The following ACTG2 variants were observed in gnomAD, a reference collection of about 807,000 sequenced individuals.
ACTG2 encodes actin, gamma-enteric smooth muscle.
ACTG2 carries 16 observed loss-of-function variants against 37.6 expected under a neutral mutation model. That is an observed-to-expected ratio of 0.43 (90% confidence interval 0.29 to 0.65). ACTG2 has a LOEUF of 0.65. Ranked by LOEUF, ACTG2 falls within the 30% of genes least tolerant of loss-of-function variation. The pLI is 0.18. For synonymous variants in ACTG2, 181 were observed against 179.9 expected (o/e 1.01, Z -0.05); for missense variants, 238 against 490.9 (o/e 0.48, Z 4.87).
intron 2 of ACTG2, among the ~76,000 whole-genome samples, chr2:73,902,045 G>GTC (rs1558622706): frequency 6.8e-6 from 1 of 147,098 alleles, no homozygotes; most frequent in African/African-American, 2.7e-5. Context: ...GTGTGTCTGT[G>GTC]TGTGTGTGTG....
intron 3 of ACTG2, chr2:73,908,453 G>A (rs1296895897): frequency 2.4e-5 from 15 of 632,180 alleles, no homozygotes. Flanking sequence ...TGAACACATA[G>A]AAAATACTGG....
At chr2:73,899,359 T>C (rs2104803675) in intron 1 of ACTG2, among the ~76,000 whole-genome samples, 1 of 152,152 alleles carries the variant, frequency 6.6e-6, no homozygotes, top group South Asian at 2.1e-4. Context: ...CTACTTGGGA[T>C]GCTGAGGTGG....
intron 1 of ACTG2, among the ~76,000 whole-genome samples, chr2:73,899,710 C>T (rs1016019947): frequency 3.3e-5 from 5 of 152,030 alleles, no homozygotes; most frequent in African/African-American, 7.3e-5. Context: ...CTGAGGCAGC[C>T]GCAAATATAC....
intron 1 of ACTG2, among the ~76,000 whole-genome samples, chr2:73,893,769 T>C (rs1679681206): frequency 6.6e-6 from 1 of 152,158 alleles, no homozygotes; most frequent in Non-Finnish European, 1.5e-5. Flanking sequence ...CACACCCAAC[T>C]GTGACCCATT....
At position 73,902,462 on chromosome 2, in the gene ACTG2, A is replaced by G. The variant is rs1218102703; in HGVS notation, c.229A>G (p.Ile77Val). The G allele has an allele frequency of 6.2e-7, 1 of 1,614,004 alleles. No individual in the cohort carries two copies. The highest frequency in any genetic ancestry group is 2.2e-5 in the East Asian group (1 of 44,892). Reference sequence around the variant, plus strand: ...CAAATACCCCATTGAACACGGCATCATCACCAACTGGGATGACATGGAGAA... The same window carrying G: ...CAAATACCCCATTGAACACGGCATCGTCACCAACTGGGATGACATGGAGAA... ...TLKYPIEHGIITNWDDMEKIW... is the reference protein window; with the variant it reads ...TLKYPIEHGIVTNWDDMEKIW... Residue 77 changes from isoleucine to valine, a missense_variant, in exon 3 of 9, where the codon ATC becomes GTC. Ile to Val is a conservative substitution (Grantham distance 29). Transcript: ENST00000345517.
At chr2:73,900,252 C>T (rs1237762294) in intron 1 of ACTG2, among the ~76,000 whole-genome samples, 1 of 152,240 alleles carries the variant, frequency 6.6e-6, no homozygotes, top group Non-Finnish European at 1.5e-5. Flanking sequence ...CCCACTTCTG[C>T]CCCGCCCCAC....
Position 73,915,462 on chromosome 2 carries a change from G to A in ACTG2, c.805+591G>A, listed in dbSNP as rs565047450. Among the ~76,000 whole-genome samples the A allele has an allele frequency of 4.0e-5, 6 of 150,568 alleles. No homozygotes were observed. The Admixed American group carries it at 4.0e-4, about 10-fold the overall frequency. ...TTGAGCCGCAGAGATCAAGGCTGCA[G>A]TGAGCCGTGATTGTGTCACTGCACT... On this transcript the variant is annotated intron_variant, in intron 7 of 8. Transcript: ENST00000345517.
intron 7 of ACTG2, 101 bp from the exon 8 acceptor site, chr2:73,916,483 C>T: frequency 9.6e-7 from 1 of 1,039,274 alleles, no homozygotes; most frequent in Non-Finnish European, 1.4e-6. Flanking sequence ...AGGTTCTGAA[C>T]TAGGGTAGTT....
rs746012984 is a variant in ACTG2, at chr2:73,901,416, T to C, written c.105T>C (p.Ile35=). ...CCCCCCGGGCTGTCTTCCCCTCCAT[T>C]GTGGGCCGCCCTCGCCACCAGGTGC... ...DDAPRAVFPS[I]VGRPRHQGVM... is the part of the protein sequence containing the mutation. Residue 35 remains isoleucine, a synonymous_variant, in exon 2 of 9, where the codon ATT becomes ATC. Coordinates refer to ENST00000345517, the MANE Select transcript of ACTG2 (RefSeq NM_001615.4). 5 of 1,614,030 alleles carry C rather than the reference T, an allele frequency of 3.1e-6. No homozygotes were observed. The highest frequency in any genetic ancestry group is 4.2e-6 in the Non-Finnish European group (5 of 1,180,026).
chr2:73,916,768 G>T lies in ACTG2; in HGVS notation c.987+3G>T. 6 of 1,612,878 alleles carry T rather than the reference G, an allele frequency of 3.7e-6. No individual in the cohort carries two copies. The highest frequency in any genetic ancestry group is 4.2e-6 in the Non-Finnish European group (5 of 1,179,432). ...CCCCCAGCACCATGAAGATCAAGGT[G>T]GGTCTTGCCTCAGTTGTCTCCATCC... On this transcript the variant is annotated splice_donor_region_variant and intron_variant, in intron 8 of 8. Transcript: ENST00000345517.
At chr2:73,900,688 T>C (rs1028397750) in intron 1 of ACTG2, among the ~76,000 whole-genome samples, 3 of 152,222 alleles carry the variant, frequency 2.0e-5, no homozygotes, top group African/African-American at 7.2e-5. Flanking sequence ...TGCTATTGAT[T>C]TTTAATTATA....
chr2:73,903,947 AAAAAAAAAAAAAC>A (rs1436208774), intron 3 of ACTG2, among the ~76,000 whole-genome samples: 5 of 96,308 alleles, frequency 5.2e-5, no homozygotes, highest in Admixed American at 4.9e-4. Context: ...CTCAAAAAAA[AAAAAAAAAAAAAC>A]AAAAAAAAAA....
At chr2:73,908,246 G>T in intron 3 of ACTG2, 1 of 470,294 alleles carries the variant, frequency 2.1e-6, no homozygotes. Context: ...CCACGCCATT[G>T]TCAGGAGATA....
intron 3 of ACTG2, among the ~76,000 whole-genome samples, chr2:73,907,748 T>C (rs916931006): frequency 6.6e-6 from 1 of 152,240 alleles, no homozygotes; most frequent in Admixed American, 6.5e-5. Context: ...CATTTGGCAA[T>C]GTCTGCAGAC....
Position 73,908,392 on chromosome 2 carries a change from AG to A in ACTG2, c.256-277del, listed in dbSNP as rs547955329. 314 of 539,738 alleles carry A rather than the reference AG, an allele frequency of 5.8e-4. 6 individuals carry two copies. In the East Asian group the frequency reaches 0.014, roughly 25 times the overall value. The allele number at this position is 539,738 out of a possible 1,614,324, so 33.4% of individuals were successfully genotyped here. ...CTTGCATCACTCAGTGCACAAAGGC[AG>A]GGGAGAGACTGTAGGAGAGTGAAGA... On this transcript the variant is annotated intron_variant, in intron 3 of 8. Coordinates refer to ENST00000345517, the MANE Select transcript of ACTG2 (RefSeq NM_001615.4).
At chr2:73,901,988 A>C (rs971290649) in intron 2 of ACTG2, among the ~76,000 whole-genome samples, 1 of 150,462 alleles carries the variant, frequency 6.6e-6, no homozygotes, top group Admixed American at 6.6e-5. Context: ...CTAAGCAGGC[A>C]CAGGGGACTT....
intron 1 of ACTG2, among the ~76,000 whole-genome samples, chr2:73,897,557 A>G (rs1187152076): frequency 9.8e-5 from 15 of 152,340 alleles, no homozygotes. Context: ...GGACTCGGGT[A>G]TCCCAGAGGC....
rs1680339299 is a variant in ACTG2, at chr2:73,919,692, C to T, written c.*117C>T. On this transcript the variant is annotated 3_prime_UTR_variant, in exon 9 of 9. Transcript: ENST00000345517. The stretch of plus-strand genomic sequence containing the variant: ...GGCTCTTTTTTCCTGGGCTATGTCT[C>T]ATACACAGTGCTAAGGACTTTTCAC... 8.4e-7 allele frequency: 1 copy of T among 1,184,154 alleles called. No individual in the cohort carries two copies. Among genetic ancestry groups the T allele is most frequent in the Non-Finnish European group, 1.2e-6 (1 of 850,726 alleles). The allele number at this position is 1,184,154 out of a possible 1,614,324, so 73.4% of individuals were successfully genotyped here. A position where few individuals can be genotyped will look rare whatever the true frequency, so the allele number is the denominator to read the frequency against.
At chr2:73,903,325 A>G (rs1448812190) in intron 3 of ACTG2, 2 of 153,402 alleles carry the variant, frequency 1.3e-5, no homozygotes, top group Non-Finnish European at 2.9e-5. Context: ...TCTGTAATTC[A>G]CTTATACTTT....
Sources: allele counts gnomAD v4.1 joint callset (sites outside exome capture counted in the v4.1 genomes callset), GRCh38; gene constraint gnomAD v4.1.1; transcripts MANE v1.5; gene names NCBI Gene and HGNC (gene_info 2026-07-23, HGNC 2026-07-21).